Variants in IL3RA observed in about 807,000 individuals in gnomAD.
IL3RA encodes interleukin-3 receptor subunit alpha.
IL3RA carries 73 observed loss-of-function variants against 52.3 expected under a neutral mutation model. That is an observed-to-expected ratio of 1.40 (90% CI 1.16 to 1.70). The LOEUF (loss-of-function observed/expected upper bound fraction) is 1.70, where lower values mean the gene tolerates loss of function less well. IL3RA is among the 40% of genes most tolerant of loss of function. The pLI, the probability that IL3RA is intolerant of heterozygous loss-of-function variation, is 0.00. For missense variants in IL3RA, 664 were observed against 504.4 expected, an observed-to-expected ratio of 1.32 and a Z score of -3.03; for synonymous variants, 260 against 194.0, an observed-to-expected ratio of 1.34 and a Z score of -2.83.
chrX:1,358,082 G>A (rs1473142845), intron 7 of IL3RA, among the ~76,000 whole-genome samples: 1 of 151,088 alleles, frequency 6.6e-6, no homozygotes, highest in East Asian at 1.9e-4. Context: ...TCCATCCTGG[G>A]CAACAGAGTG....
rs1383296134 is a variant in IL3RA, at chrX:1,361,367, T to G, written c.759+2480T>G. 3.9e-5 allele frequency among the ~76,000 whole-genome samples: 6 copies of G among 152,142 alleles called. No homozygotes were observed. The East Asian group carries it at 1.2e-3, about 29-fold the overall frequency. On this transcript the variant is annotated intron_variant, in intron 8 of 11. Transcript: ENST00000331035. ...TATAAACAAAAGAGGGTTCCTGGAC[T>G]CACAGTTCCATGTGGCTGGGGAGGC...
chrX:1,343,350 C>T (rs1161829394), intron 2 of IL3RA, among the ~76,000 whole-genome samples: 1 of 151,902 alleles, frequency 6.6e-6, no homozygotes, highest in Non-Finnish European at 1.5e-5. Flanking sequence ...CTTTGGGTGA[C>T]CAGCAAAATG....
At chrX:1,353,972 C>A (rs1391996116) in intron 6 of IL3RA, among the ~76,000 whole-genome samples, 1 of 71,972 alleles carries the variant, frequency 1.4e-5, no homozygotes, top group Non-Finnish European at 3.0e-5. Context: ...GTCGTGGGAC[C>A]CCCACCCCCA....
rs747889265 is a variant in IL3RA, at chrX:1,352,484, G to A, written c.594G>A (p.Lys198=). Residue 198 remains lysine (K), a synonymous_variant, in exon 6 of 12, where the codon AAG becomes AAA. Transcript: ENST00000331035. The part of the protein sequence containing the change: ...SAAFGIPCTD[K]FVVFSQIEIL... Reference sequence around the variant, plus strand: ...CCTTCGGTATCCCCTGCACAGATAAGTTTGTCGTCTTTTCACAGATTGGTG... The same window carrying A: ...CCTTCGGTATCCCCTGCACAGATAAATTTGTCGTCTTTTCACAGATTGGTG... The A allele has an allele frequency of 2.5e-6, 4 of 1,613,636 alleles. No homozygotes were observed. The Middle Eastern group carries it at 5.0e-4, about 203-fold the overall frequency.
intron 9 of IL3RA, 123 bp downstream of exon 9, chrX:1,365,375 C>G: frequency 6.1e-6 from 1 of 164,550 alleles, no homozygotes; most frequent in African/African-American, 5.5e-5. Context: ...GCCGGGTGCG[C>G]GGGGTGAGCC....
intron 9 of IL3RA, among the ~76,000 whole-genome samples, chrX:1,377,810 G>A (rs867237428): frequency 6.7e-6 from 1 of 150,246 alleles, no homozygotes. Context: ...GTTTGAATCC[G>A]GGAGGCAGAG....
chrX:1,356,194 TCCTAA>T (rs2149027447), intron 6 of IL3RA, 22 bp from the exon 7 acceptor site: 2 of 1,292,378 alleles, frequency 1.5e-6, no homozygotes, highest in Non-Finnish European at 2.2e-6. Context: ...TACTCCTAAA[TCCTAA>T]AAGTGTTTTT....
chrX:1,378,023 G>T (rs1205445878), intron 9 of IL3RA, among the ~76,000 whole-genome samples: 4 of 151,218 alleles, frequency 2.6e-5, no homozygotes, highest in South Asian at 2.1e-4. Context: ...CCATCTCTAT[G>T]AGAAATACAA....
intron 8 of IL3RA, among the ~76,000 whole-genome samples, chrX:1,364,344 A>G (rs1486900885): frequency 1.3e-5 from 2 of 150,786 alleles, no homozygotes; most frequent in Non-Finnish European, 3.0e-5. Flanking sequence ...ATACAAAATT[A>G]ACCGAGCGTG....
At position 1,381,112 on chromosome X, in the gene IL3RA, G is replaced by C. The variant is rs778613677; in HGVS notation, c.1062+8G>C. The stretch of plus-strand genomic sequence containing the variant: ...TTCCAAAACGACAAGCTGGTATGTT[G>C]TTTTTTCTGCCTTGGGACGGGTCTG... On this transcript the variant is annotated splice_region_variant and intron_variant, in intron 11 of 11. Coordinates refer to ENST00000331035, the MANE Select transcript of IL3RA (RefSeq NM_002183.4). The C allele has an allele frequency of 1.9e-6, 3 of 1,613,624 alleles. No homozygotes were observed. Among genetic ancestry groups the C allele is most frequent in the East Asian group, 2.2e-5 (1 of 44,874 alleles).
Position 1,382,567 on chromosome X carries a change from G to T in IL3RA, c.*102G>T. 1.3e-5 allele frequency: 14 copies of T among 1,082,716 alleles called. No individual in the cohort carries two copies. Among genetic ancestry groups the T allele is most frequent in the Non-Finnish European group, 2.0e-5 (14 of 697,962 alleles). The allele number at this position is 1,082,716 out of a possible 1,614,324, so 67.1% of individuals were successfully genotyped here. ...GACCTGCGCACGCAGCCCAGGAATG[G>T]ACATTCCTAACGGGTGGTGGGCATG... On this transcript the variant is annotated 3_prime_UTR_variant, in exon 12 of 12. Coordinates refer to ENST00000331035, the MANE Select transcript of IL3RA (RefSeq NM_002183.4).
Position 1,345,407 on chromosome X carries a change from T to A in IL3RA, c.156T>A (p.Cys52Ter), listed in dbSNP as rs202070279. ...ACAGAAATGTGACCGATATCGAGTGTGTTAAAGACGCCGACTATTCTATGC... is the reference window on the plus strand; with the variant it reads ...ACAGAAATGTGACCGATATCGAGTGAGTTAAAGACGCCGACTATTCTATGC... ...DLNRNVTDIE[C>*]VKDADYSMPA... The change falls in exon 3 of 12, where the codon TGT (cysteine) becomes TGA (stop). Residue 52 changes from cysteine to a stop codon, truncating the protein, a stop_gained. Coordinates refer to ENST00000331035, the MANE Select transcript of IL3RA (RefSeq NM_002183.4). LOFTEE classifies it high-confidence loss of function. 1 of 1,607,040 alleles carries A rather than the reference T, an allele frequency of 6.2e-7. No individual in the cohort carries two copies. Among genetic ancestry groups the A allele is most frequent in the Non-Finnish European group, 8.5e-7 (1 of 1,175,508 alleles).
At chrX:1,370,743 CT>C in intron 9 of IL3RA, among the ~76,000 whole-genome samples, 1 of 47,424 alleles carries the variant, frequency 2.1e-5, no homozygotes, top group Non-Finnish European at 3.6e-5. Flanking sequence ...CTGAGATGGA[CT>C]AAGCCATCTC....
Position 1,336,912 on chromosome X carries a change from T to C in IL3RA, c.-53T>C, listed in dbSNP as rs1367168367. ...AGGCTGTTTCTTCCACACAGTACTT[T>C]GATCTCCATTTAAGGTAAGGTCCCC... On this transcript the variant is annotated 5_prime_UTR_variant, in exon 1 of 12. Coordinates refer to ENST00000331035, the MANE Select transcript of IL3RA (RefSeq NM_002183.4). The C allele has an allele frequency of 6.6e-6, 1 of 152,196 alleles. No individual in the cohort carries two copies. Among genetic ancestry groups the C allele is most frequent in the African/African-American group, 2.4e-5 (1 of 41,436 alleles). The allele number at this position is 152,196 out of a possible 1,614,324, so 9.4% of individuals were successfully genotyped here. A position where few individuals can be genotyped will look rare whatever the true frequency, so the allele number is the denominator to read the frequency against.
At chrX:1,379,230 A>G (rs2089008289) in intron 10 of IL3RA, among the ~76,000 whole-genome samples, 1 of 151,722 alleles carries the variant, frequency 6.6e-6, no homozygotes, top group Non-Finnish European at 1.5e-5. Flanking sequence ...ATCTCGGCTC[A>G]CCGCAGCCTC....
intron 9 of IL3RA, 70 bp from the exon 10 acceptor site, chrX:1,378,589 G>GGA (rs2088960017): frequency 2.2e-6 from 3 of 1,355,338 alleles, no homozygotes; most frequent in Non-Finnish European, 1.0e-6. Flanking sequence ...AGGGCCCCGG[G>GGA]GAGAGCTTAC....
intron 9 of IL3RA, among the ~76,000 whole-genome samples, chrX:1,377,726 C>T (rs548666584): frequency 2.7e-5 from 4 of 146,056 alleles, no homozygotes; most frequent in African/African-American, 7.6e-5. Context: ...AGGGCAGTGG[C>T]GCGATCACGG....
chrX:1,354,088 C>G (rs1289192107), intron 6 of IL3RA, among the ~76,000 whole-genome samples: 5 of 150,348 alleles, frequency 3.3e-5, no homozygotes, highest in African/African-American at 1.2e-4. Context: ...CATCATGAGT[C>G]ATGGAATCCC....
intron 7 of IL3RA, among the ~76,000 whole-genome samples, chrX:1,356,720 C>A (rs779015290): frequency 1.3e-5 from 2 of 150,334 alleles, no homozygotes; most frequent in African/African-American, 4.9e-5. Context: ...TGCAGTGAGC[C>A]GAGATCGCGC....
Sources: allele counts gnomAD v4.1 joint callset (sites outside exome capture counted in the v4.1 genomes callset), GRCh38; gene constraint gnomAD v4.1.1; transcripts MANE v1.5; gene names NCBI Gene and HGNC (gene_info 2026-07-23, HGNC 2026-07-21).